The following GULP1 variants were observed in gnomAD, a reference collection of about 807,000 sequenced individuals.
The protein encoded by GULP1 is PTB domain-containing engulfment adapter protein 1.
In GULP1, 19 loss-of-function variants were observed where a neutral mutation model predicts 40.9. The observed-to-expected ratio is 0.46, with a 90% CI of 0.32 to 0.68. The LOEUF (loss-of-function observed/expected upper bound fraction) is 0.68. Among genes scored for constraint, GULP1 ranks in the 30% least tolerant of loss-of-function variants. The probability of loss-of-function intolerance (pLI) is 0.03; values close to 1 mark genes in which losing one functional copy is unlikely to be tolerated. For missense variants in GULP1, 312 were observed against 362.2 expected (o/e 0.86, Z 1.12); for synonymous variants, 119 against 117.6 (o/e 1.01, Z -0.08).
chr2:188,430,478 C>G (rs2056737979), intron 2 of GULP1, among the ~76,000 whole-genome samples: 2 of 152,184 alleles, frequency 1.3e-5, no homozygotes, highest in African/African-American at 4.8e-5. Context: ...AAGACCAGTA[C>G]TATGTCATAG....
intron 2 of GULP1, among the ~76,000 whole-genome samples, chr2:188,405,452 C>A (rs1245828171): frequency 1.3e-5 from 2 of 152,078 alleles, no homozygotes; most frequent in African/African-American, 4.8e-5. Flanking sequence ...AGGCTCCAGG[C>A]CCACTCCAGC....
chr2:188,506,066 A>G (rs1385171184), intron 4 of GULP1, among the ~76,000 whole-genome samples: 2 of 151,916 alleles, frequency 1.3e-5, no homozygotes, highest in Non-Finnish European at 2.9e-5. Flanking sequence ...AAGAATATAT[A>G]CAATATAATT....
chr2:188,462,435 C>G (rs2059784279), intron 2 of GULP1, among the ~76,000 whole-genome samples: 1 of 152,110 alleles, frequency 6.6e-6, no homozygotes, highest in South Asian at 2.1e-4. Flanking sequence ...TACCTATTAG[C>G]TCCATTTGGC....
intron 1 of GULP1, among the ~76,000 whole-genome samples, chr2:188,358,238 A>G (rs1159418243): frequency 1.3e-5 from 2 of 152,186 alleles, no homozygotes; most frequent in African/African-American, 2.4e-5. Context: ...AGCCAGGCCC[A>G]GAAAGATAAA....
At position 188,564,458 on chromosome 2, in the gene GULP1, A is replaced by G. The variant is rs189489943; in HGVS notation, c.400-4781A>G. The stretch of plus-strand genomic sequence containing the variant: ...TGTGTCTGTCTACTAGCAAAAAGAA[A>G]GAAAGAAAAATGTATTTACCGTAGC... On this transcript the variant is annotated intron_variant, in intron 7 of 11. Coordinates refer to ENST00000409830, the MANE Select transcript of GULP1 (RefSeq NM_016315.4). Among the ~76,000 whole-genome samples the G allele has an allele frequency of 2.5e-3, 377 of 152,090 alleles. 3 individuals are homozygous for G. The highest frequency in any genetic ancestry group is 8.6e-3 in the African/African-American group (359 of 41,580).
chr2:188,518,275 G>A (rs1011294979), intron 4 of GULP1, among the ~76,000 whole-genome samples: 13 of 152,046 alleles, frequency 8.6e-5, no homozygotes, highest in African/African-American at 2.4e-4. Context: ...AAGCAGAGCC[G>A]ACAAGAAGAA....
chr2:188,374,116 A>C (rs2047983578), intron 1 of GULP1, among the ~76,000 whole-genome samples: 1 of 152,130 alleles, frequency 6.6e-6, no homozygotes, highest in East Asian at 1.9e-4. Flanking sequence ...CTGAAGGCTC[A>C]TCTGAAATTC....
intron 2 of GULP1, among the ~76,000 whole-genome samples, chr2:188,464,732 C>T (rs2059976666): frequency 6.6e-6 from 1 of 152,156 alleles, no homozygotes; most frequent in Non-Finnish European, 1.5e-5. Flanking sequence ...AGATGCAGTC[C>T]TCCCATTTTT....
intron 1 of GULP1, among the ~76,000 whole-genome samples, chr2:188,357,325 T>A (rs1346701459): frequency 1.3e-5 from 2 of 152,090 alleles, no homozygotes; most frequent in Non-Finnish European, 2.9e-5. Flanking sequence ...GGGTTTAATA[T>A]CTAGAATATA....
chr2:188,373,446 A>G lies in GULP1; in HGVS notation c.-171-10317A>G, dbSNP rs576623531. Among the ~76,000 whole-genome samples, 5 of 152,068 alleles carry G rather than the reference A, an allele frequency of 3.3e-5. No homozygotes were observed. The South Asian group carries it at 1.0e-3, about 32-fold the overall frequency. Reference sequence around the variant, plus strand: ...CCAGCATCCAGTTTTCAATACTGAAATTGTAGACCCAGGCATCTGATATAT... The same window carrying G: ...CCAGCATCCAGTTTTCAATACTGAAGTTGTAGACCCAGGCATCTGATATAT... On this transcript the variant is annotated intron_variant, in intron 1 of 11. Coordinates refer to ENST00000409830, the MANE Select transcript of GULP1 (RefSeq NM_016315.4).
At chr2:188,410,531 A>G (rs1428769584) in intron 2 of GULP1, among the ~76,000 whole-genome samples, 2 of 152,224 alleles carry the variant, frequency 1.3e-5, no homozygotes, top group Non-Finnish European at 2.9e-5. Flanking sequence ...GAATGAGCAA[A>G]TGACCTGAAT....
At chr2:188,587,819 G>A in intron 10 of GULP1, 36 bp from the exon 11 acceptor site, 1 of 1,138,394 alleles carries the variant, frequency 8.8e-7, no homozygotes, top group South Asian at 1.3e-5. Context: ...CTCACTTCTT[G>A]TTATTTCATT....
chr2:188,530,658 C>T (rs1687299486), intron 6 of GULP1, among the ~76,000 whole-genome samples: 1 of 152,102 alleles, frequency 6.6e-6, no homozygotes, highest in Admixed American at 6.6e-5. Flanking sequence ...AGAGAGGCCC[C>T]AGAGAAACCA....
intron 6 of GULP1, 28 bp from the exon 7 acceptor site, chr2:188,541,153 C>A (rs763316023): frequency 6.3e-7 from 1 of 1,594,706 alleles, no homozygotes; most frequent in South Asian, 1.1e-5. Flanking sequence ...ATCCCATCAA[C>A]TATGTTTATT....
intron 2 of GULP1, among the ~76,000 whole-genome samples, chr2:188,413,304 CA>C (rs1411491930): frequency 3.9e-5 from 6 of 152,128 alleles, no homozygotes; most frequent in African/African-American, 1.2e-4. Flanking sequence ...TTTACACTCC[CA>C]ACAGTGTAAA....
At chr2:188,486,819 C>T (rs1289884767) in intron 4 of GULP1, among the ~76,000 whole-genome samples, 1 of 151,824 alleles carries the variant, frequency 6.6e-6, no homozygotes, top group East Asian at 1.9e-4. Flanking sequence ...ATCCTGTGTA[C>T]TCTGTAGTGA....
In GULP1 at chr2:188,352,618, T is replaced by TCTCACACACACACACACACACACA. The variant is rs578003996; in HGVS notation, c.-171-31144_-171-31143insTCACACACACACACACACACACAC. On this transcript the variant is annotated intron_variant, in intron 1 of 11. Coordinates refer to ENST00000409830, the MANE Select transcript of GULP1 (RefSeq NM_016315.4). ...TGCTCTCTTTCTCTCTCTCTCTCTC[T>TCTCACACACACACACACACACACA]CACACACACACACACACACACACAC... Among the ~76,000 whole-genome samples, 31 of 134,496 alleles carry TCTCACACACACACACACACACACA rather than the reference T, an allele frequency of 2.3e-4. No homozygotes were observed. In the East Asian group the frequency reaches 4.0e-3, roughly 17 times the overall value. 88.2% of individuals were successfully genotyped at this position (134,496 alleles called of 152,430 possible).
intron 1 of GULP1, among the ~76,000 whole-genome samples, chr2:188,348,792 G>A (rs1290494699): frequency 6.6e-6 from 1 of 152,142 alleles, no homozygotes; most frequent in African/African-American, 2.4e-5. Flanking sequence ...GTGGATTTTG[G>A]TATCTGTAGG....
chr2:188,403,954 C>G (rs994363124), intron 2 of GULP1, among the ~76,000 whole-genome samples: 3 of 152,150 alleles, frequency 2.0e-5, no homozygotes, highest in Non-Finnish European at 2.9e-5. Flanking sequence ...TCTGGGAACT[C>G]ATTTCCAGGA....
Sources: gnomAD v4.1 joint callset for allele counts (sites outside exome capture counted in the v4.1 genomes callset) on GRCh38, gnomAD v4.1.1 for gene constraint, MANE v1.5 for transcripts, NCBI Gene and HGNC (gene_info 2026-07-23, HGNC 2026-07-21) for gene names.